Variants in PDGFRL observed in about 807,000 individuals in gnomAD.
The protein encoded by PDGFRL is platelet-derived growth factor receptor-like protein.
Under a neutral mutation model 37.2 loss-of-function variants are expected in PDGFRL, and 46 were observed. That is an observed-to-expected ratio of 1.24 (90% CI 0.98 to 1.58). PDGFRL has a LOEUF of 1.58. Ranked by LOEUF, PDGFRL falls within the 40% of genes most tolerant of loss-of-function variation. The probability of loss-of-function intolerance (pLI) is 0.00; values close to 1 mark genes in which losing one functional copy is unlikely to be tolerated. For missense variants in PDGFRL, 692 were observed against 467.6 expected, an observed-to-expected ratio of 1.48 and a Z score of -4.43; for synonymous variants, 251 against 184.3, an observed-to-expected ratio of 1.36 and a Z score of -2.93.
rs1804787610 is a variant in PDGFRL at position 17,628,656 on chromosome 8, T to C, written c.675T>C (p.Tyr225=). The C allele has an allele frequency of 6.2e-7, 1 of 1,614,094 alleles. No individual in the cohort carries two copies. Among genetic ancestry groups the C allele is most frequent in the Admixed American group, 1.7e-5 (1 of 60,006 alleles). Residue 225 remains tyrosine, a synonymous_variant, in exon 4 of 6, where the codon TAT becomes TAC. Coordinates refer to ENST00000251630, the MANE Select transcript of PDGFRL (RefSeq NM_001372073.1). ...EIPANGTDIV[Y]DMKRGFVYLQ... The stretch of plus-strand genomic sequence containing the variant: ...CAGCCAATGGAACGGACATTGTTTA[T>C]GACATGAAGCGGGGCTTTGTGTATC...
chr8:17,621,021 G>C, intron 2 of PDGFRL, 30 bp from the exon 3 acceptor site: 1 of 1,563,402 alleles, frequency 6.4e-7, no homozygotes, highest in Non-Finnish European at 8.7e-7. Context: ...GGTCTGACTT[G>C]CTTTGAGTTC....
chr8:17,637,885 T>C (rs1430013678), intron 5 of PDGFRL, among the ~76,000 whole-genome samples: 1 of 152,048 alleles, frequency 6.6e-6, no homozygotes, highest in Non-Finnish European at 1.5e-5. Context: ...TTGAATTATC[T>C]TTTGTATTTC....
At chr8:17,590,091 C>T (rs910988177) in intron 2 of PDGFRL, among the ~76,000 whole-genome samples, 5 of 151,046 alleles carry the variant, frequency 3.3e-5, no homozygotes, top group South Asian at 4.2e-4. Context: ...ATTAGCTGGG[C>T]GTGGTGGCAG....
intron 1 of PDGFRL, among the ~76,000 whole-genome samples, chr8:17,583,242 G>A (rs1463688414): frequency 6.6e-6 from 1 of 152,112 alleles, no homozygotes; most frequent in African/African-American, 2.4e-5. Flanking sequence ...CACTGCCTAG[G>A]GGAGCCATGG....
At chr8:17,622,406 A>G (rs776361642) in intron 3 of PDGFRL, among the ~76,000 whole-genome samples, 24 of 63,452 alleles carry the variant, frequency 3.8e-4, no homozygotes, top group Non-Finnish European at 6.9e-4. Flanking sequence ...TTTCAGACGT[A>G]GACCTAGACA....
At chr8:17,592,926 A>G (rs762595399) in intron 2 of PDGFRL, among the ~76,000 whole-genome samples, 10,878 of 42,594 alleles carry the variant, frequency 0.26, 434 homozygotes, top group East Asian at 0.46. Context: ...GCACACACAC[A>G]CACACACACA....
chr8:17,584,624 A>C (rs1033077668), intron 1 of PDGFRL, among the ~76,000 whole-genome samples: 25 of 152,078 alleles, frequency 1.6e-4, no homozygotes, highest in Middle Eastern at 3.4e-3. Flanking sequence ...TTTCAAGAAG[A>C]GCGTCATCAA....
Position 17,634,153 on chromosome 8 carries a change from C to T in PDGFRL, c.879C>T (p.Cys293=), listed in dbSNP as rs2129828279. The T allele has an allele frequency of 6.2e-7, 1 of 1,613,298 alleles. No individual in the cohort carries two copies. Among genetic ancestry groups the T allele is most frequent in the East Asian group, 2.2e-5 (1 of 44,872 alleles). Residue 293 remains cysteine, a synonymous_variant, in exon 5 of 6, where the codon TGC becomes TGT. Transcript: ENST00000251630. ...GTGGGGACGACATCAGTGTGCTCTG[C>T]ACTGTCCTGGGGGAGCCCGATGTGG... ...VKSGDDISVL[C]TVLGEPDVEV...
intron 2 of PDGFRL, among the ~76,000 whole-genome samples, chr8:17,590,671 C>T (rs1803917437): frequency 6.6e-6 from 1 of 151,570 alleles, no homozygotes; most frequent in Non-Finnish European, 1.5e-5. Flanking sequence ...GAGTTCGTAC[C>T]ACCGCACTCC....
rs758563094 is a variant in PDGFRL at position 17,621,076 on chromosome 8, C to G, written c.379C>G (p.Gln127Glu). Reference protein sequence around the residue: ...LSVKQNERYGQLTLVNSTSAD... With the variant: ...LSVKQNERYGELTLVNSTSAD... ...CGTCAAGCAGAATGAGCGCTACGGC[C>G]AGTTGACTCTGGTCAACTCCACCTC... The change falls in exon 3 of 6, where the codon CAG becomes GAG. Residue 127 changes from glutamine to glutamate, a missense_variant. Physicochemically the swap from Gln to Glu is conservative, Grantham distance 29. Coordinates refer to ENST00000251630, the MANE Select transcript of PDGFRL (RefSeq NM_001372073.1). 3 of 1,609,724 alleles carry G rather than the reference C, an allele frequency of 1.9e-6. No individual in the cohort carries two copies. The South Asian group carries it at 3.3e-5, about 18-fold the overall frequency.
intron 5 of PDGFRL, among the ~76,000 whole-genome samples, chr8:17,639,075 T>C (rs890351402): frequency 6.6e-6 from 1 of 151,812 alleles, no homozygotes; most frequent in African/African-American, 2.4e-5. Context: ...ACAAAAAGAA[T>C]AGCTACTCCT....
At chr8:17,618,275 T>G (rs1188111300) in intron 2 of PDGFRL, among the ~76,000 whole-genome samples, 1 of 152,114 alleles carries the variant, frequency 6.6e-6, no homozygotes, top group Admixed American at 6.6e-5. Flanking sequence ...AATCTGGTCA[T>G]GAACTCCTGA....
intron 1 of PDGFRL, among the ~76,000 whole-genome samples, chr8:17,584,465 A>T (rs1803773565): frequency 6.6e-6 from 1 of 152,014 alleles, no homozygotes. Flanking sequence ...GGATTGTGTG[A>T]GGTCACTTAG....
intron 1 of PDGFRL, 69 bp downstream of exon 1, chr8:17,577,376 C>T (rs890751526): frequency 4.4e-5 from 58 of 1,316,532 alleles, no homozygotes; most frequent in Non-Finnish European, 6.2e-5. Context: ...AAGCCCCCGC[C>T]GCCCTCCTGC....
Position 17,600,635 on chromosome 8 carries a change from T to TA in PDGFRL, c.353+10880dup, listed in dbSNP as rs113265127. On this transcript the variant is annotated intron_variant, in intron 2 of 5. Transcript: ENST00000251630. ...AGCAACACAGCAAGACCCCCATCTC[T>TA]AAAAAAAAAATTGTTTTAAATTACA... Among the ~76,000 whole-genome samples the TA allele has an allele frequency of 5.0e-3, 746 of 148,746 alleles. 21 individuals carry two copies. The highest frequency in any genetic ancestry group is 0.043 in the Admixed American group (635 of 14,864).
In PDGFRL at chr8:17,633,882, A is replaced by G. The variant is rs185122939; in HGVS notation, c.800-192A>G. ...CCTGGTGCCTACCCCATTCCAGACC[A>G]CCAAGGTCAACAGATAAAGGTGGCT... On this transcript the variant is annotated intron_variant, in intron 4 of 5. Coordinates refer to ENST00000251630, the MANE Select transcript of PDGFRL (RefSeq NM_001372073.1). Among the ~76,000 whole-genome samples the G allele has an allele frequency of 1.8e-3, 271 of 152,224 alleles. 1 individual carries two copies. Among genetic ancestry groups the G allele is most frequent in the African/African-American group, 6.3e-3 (260 of 41,526 alleles).
At chr8:17,638,964 ACTTGAAC>A (rs2129853634) in intron 5 of PDGFRL, among the ~76,000 whole-genome samples, 1 of 151,544 alleles carries the variant, frequency 6.6e-6, no homozygotes, top group Admixed American at 6.6e-5. Context: ...CACAAGAATC[ACTTGAAC>A]CTGGGAGGTG....
chr8:17,636,311 C>A (rs568198750), intron 5 of PDGFRL, among the ~76,000 whole-genome samples: 7 of 53,478 alleles, frequency 1.3e-4, no homozygotes, highest in African/African-American at 2.2e-4. Flanking sequence ...GATAAGGATT[C>A]AGTCTTATTC....
At chr8:17,594,156 T>C (rs1804002200) in intron 2 of PDGFRL, among the ~76,000 whole-genome samples, 1 of 151,946 alleles carries the variant, frequency 6.6e-6, no homozygotes, top group South Asian at 2.1e-4. Context: ...TCCCACAGCA[T>C]GATGTCCTCA....
Sources: gnomAD v4.1 joint callset for allele counts (sites outside exome capture counted in the v4.1 genomes callset) on GRCh38, gnomAD v4.1.1 for gene constraint, MANE v1.5 for transcripts, NCBI Gene and HGNC (gene_info 2026-07-23, HGNC 2026-07-21) for gene names.